SLC25A13: variants seen among roughly 807,000 people sequenced by gnomAD.
SLC25A13 encodes the protein electrogenic aspartate/glutamate antiporter SLC25A13, mitochondrial.
Under a neutral mutation model 85.5 loss-of-function variants are expected in SLC25A13, and 70 were observed. That is an observed-to-expected ratio of 0.82 (90% CI 0.68 to 1.00). SLC25A13 has a LOEUF of 1.00. Ranked by LOEUF, SLC25A13 falls within the 50% of genes least tolerant of loss-of-function variation. The pLI is 0.00. For synonymous variants in SLC25A13, 259 were observed against 288.7 expected (o/e 0.90, Z 1.04); for missense variants, 765 against 819.8 (o/e 0.93, Z 0.82).
chr7:96,146,429 G>T, intron 14 of SLC25A13, 127 bp downstream of exon 14: 1 of 1,267,970 alleles, frequency 7.9e-7, no homozygotes, highest in Non-Finnish European at 1.1e-6. Context: ...TGCCTCTGCA[G>T]CTTGGGTAGA....
intron 1 of SLC25A13, among the ~76,000 whole-genome samples, chr7:96,319,258 A>G (rs559212845): frequency 2.0e-5 from 3 of 152,314 alleles, no homozygotes; most frequent in South Asian, 2.1e-4. Flanking sequence ...CATATAAAAG[A>G]AACTGCTCGG....
At chr7:96,287,115 C>T (rs1798921350) in intron 2 of SLC25A13, among the ~76,000 whole-genome samples, 2 of 152,346 alleles carry the variant, frequency 1.3e-5, no homozygotes, top group South Asian at 4.1e-4. Flanking sequence ...AGAAGCTCGG[C>T]CTGGCACGGT....
chr7:96,151,110 C>A (rs1038905580), intron 13 of SLC25A13, among the ~76,000 whole-genome samples: 6 of 152,046 alleles, frequency 3.9e-5, no homozygotes, highest in African/African-American at 1.4e-4. Context: ...TTTTGGTAGT[C>A]CAGGCAGAGA....
intron 4 of SLC25A13, among the ~76,000 whole-genome samples, chr7:96,231,723 C>T (rs986731158): frequency 7.5e-5 from 8 of 107,228 alleles, no homozygotes; most frequent in Non-Finnish European, 1.6e-4. Context: ...GACTCTGTCT[C>T]AAAAAAAAAA....
chr7:96,205,727 T>C (rs553184935), intron 5 of SLC25A13, among the ~76,000 whole-genome samples: 1 of 152,268 alleles, frequency 6.6e-6, no homozygotes, highest in African/African-American at 2.4e-5. Context: ...TAATATCAAA[T>C]TGATTCACCA....
intron 4 of SLC25A13, among the ~76,000 whole-genome samples, chr7:96,223,707 G>C (rs949218422): frequency 6.8e-6 from 1 of 146,890 alleles, no homozygotes; most frequent in Non-Finnish European, 1.5e-5. Flanking sequence ...AGAATTGCTT[G>C]AACCCGGGAA....
At chr7:96,152,037 T>G (rs1158554537) in intron 13 of SLC25A13, among the ~76,000 whole-genome samples, 1 of 152,244 alleles carries the variant, frequency 6.6e-6, no homozygotes. Context: ...CTTGGAGTCA[T>G]GCAGCTAGGA....
intron 3 of SLC25A13, among the ~76,000 whole-genome samples, chr7:96,255,522 C>T (rs1234053206): frequency 6.6e-6 from 1 of 151,990 alleles, no homozygotes; most frequent in Non-Finnish European, 1.5e-5. Context: ...CCCATCTTTA[C>T]AAAAAATTTA....
chr7:96,286,033 C>G (rs201968679), intron 2 of SLC25A13, among the ~76,000 whole-genome samples: 1 of 152,044 alleles, frequency 6.6e-6, no homozygotes, highest in Non-Finnish European at 1.5e-5. Flanking sequence ...GCCTGTAATC[C>G]CAGCACTTTG....
chr7:96,208,727 G>T, intron 5 of SLC25A13, 111 bp downstream of exon 5: 1 of 1,235,876 alleles, frequency 8.1e-7, no homozygotes, highest in South Asian at 1.2e-5. Context: ...GGATGGTCTC[G>T]ATCTCCTGAC....
chr7:96,168,098 G>GAAAAAAAAAA lies in SLC25A13; in HGVS notation c.1311+1937_1311+1946dup, dbSNP rs543491037. On this transcript the variant is annotated intron_variant, in intron 13 of 17. Transcript: ENST00000265631. Reference sequence around the variant, plus strand: ...CTGGTGACAGAGCGAAACTCTGTCTGAAAAAAAAAAAAAAAAAAAAAAAAA... The same window carrying GAAAAAAAAAA: ...CTGGTGACAGAGCGAAACTCTGTCTGAAAAAAAAAAAAAAAAAAAAAAAAAAAAAAAAAAA... Among the ~76,000 whole-genome samples the GAAAAAAAAAA allele has an allele frequency of 1.1e-3, 21 of 19,722 alleles. 7 individuals carry two copies. The highest frequency in any genetic ancestry group is 4.9e-3 in the Admixed American group (4 of 820). The allele number at this position is 19,722 out of a possible 152,430, so 12.9% of individuals were successfully genotyped here. A position where few individuals can be genotyped will look rare whatever the true frequency, so the allele number is the denominator to read the frequency against.
chr7:96,131,722 A>G (rs1253469741), intron 15 of SLC25A13, 21 bp downstream of exon 15: 2 of 1,613,564 alleles, frequency 1.2e-6, no homozygotes, highest in African/African-American at 1.3e-5. Context: ...GAAGTAAGAG[A>G]ACTCCATGGG....
At chr7:96,154,522 C>T (rs1793178064) in intron 13 of SLC25A13, among the ~76,000 whole-genome samples, 2 of 152,158 alleles carry the variant, frequency 1.3e-5, no homozygotes, top group African/African-American at 4.8e-5. Flanking sequence ...GTCTTGAACT[C>T]CTGACCTCAG....
intron 9 of SLC25A13, among the ~76,000 whole-genome samples, chr7:96,186,113 C>A (rs114723970): frequency 0.015 from 2,254 of 152,108 alleles, 57 homozygotes; most frequent in African/African-American, 0.052. Flanking sequence ...TACACCCAAA[C>A]CCTTAAAATG....
intron 4 of SLC25A13, among the ~76,000 whole-genome samples, chr7:96,226,778 C>T (rs1796343179): frequency 6.6e-6 from 1 of 152,144 alleles, no homozygotes. Flanking sequence ...CATAATAGCA[C>T]AGATTTATAA....
chr7:96,246,105 C>T (rs1797179606), intron 3 of SLC25A13, among the ~76,000 whole-genome samples: 1 of 152,188 alleles, frequency 6.6e-6, no homozygotes, highest in African/African-American at 2.4e-5. Flanking sequence ...TTTGAATGCA[C>T]CCAAGGACAG....
chr7:96,275,633 G>A (rs1049481735), intron 3 of SLC25A13, among the ~76,000 whole-genome samples: 1 of 151,934 alleles, frequency 6.6e-6, no homozygotes, highest in East Asian at 1.9e-4. Flanking sequence ...ACTATCACAA[G>A]GACAAAAAAA....
chr7:96,319,350 C>A (rs1371950044), intron 1 of SLC25A13, among the ~76,000 whole-genome samples: 1 of 152,000 alleles, frequency 6.6e-6, no homozygotes, highest in African/African-American at 2.4e-5. Flanking sequence ...AGATCCAAGA[C>A]CAGCCTGGCC....
At chr7:96,122,126 C>A in intron 15 of SLC25A13, 129 bp from the exon 16 acceptor site, 1 of 1,222,088 alleles carries the variant, frequency 8.2e-7, no homozygotes, top group South Asian at 1.3e-5. Flanking sequence ...ATTTTGCTGT[C>A]CTCTATGGGA....
Sources: allele counts gnomAD v4.1 joint callset (sites outside exome capture counted in the v4.1 genomes callset), GRCh38; gene constraint gnomAD v4.1.1; transcripts MANE v1.5; gene names NCBI Gene and HGNC (gene_info 2026-07-23, HGNC 2026-07-21).